The following NDUFAF2 variants were observed in gnomAD, a reference collection of about 807,000 sequenced individuals.
NDUFAF2 encodes NADH:ubiquinone oxidoreductase complex assembly factor 2.
A neutral mutation model predicts 22.8 loss-of-function variants in NDUFAF2; 13 were observed. The ratio of observed to expected loss-of-function variants is 0.57; its 90% CI spans 0.37 to 0.91. The LOEUF is 0.91. Ranked by LOEUF, NDUFAF2 falls within the 40% of genes least tolerant of loss-of-function variation. NDUFAF2 has a pLI of 0.01. For synonymous variants in NDUFAF2, 53 were observed against 64.2 expected (o/e 0.83, Z 0.84); for missense variants, 162 against 195.2 (o/e 0.83, Z 1.01).
chr5:61,034,946 CA>C (rs1751778700), intron 1 of NDUFAF2, among the ~76,000 whole-genome samples: 1 of 116,470 alleles, frequency 8.6e-6, no homozygotes, highest in Non-Finnish European at 1.9e-5. Context: ...GTGTGTGTAA[CA>C]AATATGTTCT....
chr5:61,052,377 C>T (rs1410004817), intron 1 of NDUFAF2, among the ~76,000 whole-genome samples: 1 of 152,170 alleles, frequency 6.6e-6, no homozygotes, highest in Non-Finnish European at 1.5e-5. Flanking sequence ...GTGGTGCGTT[C>T]TCTGCTTACT....
At chr5:60,986,999 G>T (rs1267644283) in intron 1 of NDUFAF2, among the ~76,000 whole-genome samples, 3 of 149,766 alleles carry the variant, frequency 2.0e-5, no homozygotes, top group Non-Finnish European at 3.0e-5. Context: ...CCAGGAGATA[G>T]TTTTTTTGAA....
intron 3 of NDUFAF2, among the ~76,000 whole-genome samples, chr5:61,145,017 A>G (rs147920836): frequency 7.5e-4 from 115 of 152,368 alleles, no homozygotes; most frequent in African/African-American, 2.5e-3. Flanking sequence ...TGATTGGAGC[A>G]GAATAACTAC....
intron 3 of NDUFAF2, among the ~76,000 whole-genome samples, chr5:61,121,940 C>T (rs1365303413): frequency 4.6e-5 from 7 of 151,840 alleles, no homozygotes; most frequent in African/African-American, 1.7e-4. Context: ...AAGCAATTCC[C>T]GTGCCTCAGC....
At chr5:61,002,941 A>G (rs1450092079) in intron 1 of NDUFAF2, among the ~76,000 whole-genome samples, 1 of 152,144 alleles carries the variant, frequency 6.6e-6, no homozygotes, top group Non-Finnish European at 1.5e-5. Flanking sequence ...TTGAGATTTA[A>G]CAAGAGAGGA....
intron 3 of NDUFAF2, among the ~76,000 whole-genome samples, chr5:61,141,653 C>T (rs780041232): frequency 6.5e-5 from 9 of 137,468 alleles, no homozygotes; most frequent in Non-Finnish European, 1.4e-4. Flanking sequence ...TGTAGGTGCT[C>T]AGTATATATT....
At chr5:61,075,941 T>G (rs1490949247) in intron 2 of NDUFAF2, among the ~76,000 whole-genome samples, 1 of 152,198 alleles carries the variant, frequency 6.6e-6, no homozygotes, top group Non-Finnish European at 1.5e-5. Context: ...ACCTCTACAT[T>G]CATAGAGCTT....
chr5:61,084,540 A>G (rs1417452257), intron 2 of NDUFAF2, among the ~76,000 whole-genome samples: 1 of 152,128 alleles, frequency 6.6e-6, no homozygotes, highest in Non-Finnish European at 1.5e-5. Flanking sequence ...TGACTACTCT[A>G]AGTACGTCAT....
At chr5:60,970,827 T>A (rs535904091) in intron 1 of NDUFAF2, among the ~76,000 whole-genome samples, 1 of 152,310 alleles carries the variant, frequency 6.6e-6, no homozygotes, top group African/African-American at 2.4e-5. Context: ...AGATGTAAAG[T>A]TCAATATGTA....
At chr5:61,061,588 G>A (rs527989577) in intron 1 of NDUFAF2, among the ~76,000 whole-genome samples, 1 of 152,164 alleles carries the variant, frequency 6.6e-6, no homozygotes, top group African/African-American at 2.4e-5. Context: ...ATGATAGAGT[G>A]TGCCTCAGAG....
intron 1 of NDUFAF2, among the ~76,000 whole-genome samples, chr5:60,960,457 G>A (rs967459818): frequency 4.6e-5 from 7 of 152,144 alleles, no homozygotes; most frequent in Admixed American, 6.5e-5. Context: ...CTGCATCAGT[G>A]TAAATCACAT....
At chr5:61,108,285 C>T (rs986300853) in intron 3 of NDUFAF2, among the ~76,000 whole-genome samples, 3 of 148,880 alleles carry the variant, frequency 2.0e-5, no homozygotes, top group Admixed American at 6.7e-5. Context: ...CACTGACTTC[C>T]ACAATGGTTG....
intron 2 of NDUFAF2, among the ~76,000 whole-genome samples, chr5:61,074,717 G>A (rs770101555): frequency 1.1e-4 from 17 of 152,158 alleles, no homozygotes; most frequent in Non-Finnish European, 2.2e-4. Context: ...CTGAGATTGC[G>A]CCATTGCACT....
chr5:61,002,434 A>C (rs1043396593), intron 1 of NDUFAF2, among the ~76,000 whole-genome samples: 1 of 152,156 alleles, frequency 6.6e-6, no homozygotes, highest in African/African-American at 2.4e-5. Context: ...AATAGACTAC[A>C]TGTAATTCAA....
At chr5:61,114,083 A>T (rs1335002521) in intron 3 of NDUFAF2, among the ~76,000 whole-genome samples, 1 of 151,848 alleles carries the variant, frequency 6.6e-6, no homozygotes, top group African/African-American at 2.4e-5. Context: ...TGGGCTTGGG[A>T]AGTTCCTTGT....
intron 2 of NDUFAF2, among the ~76,000 whole-genome samples, chr5:61,077,411 C>T (rs1752383100): frequency 6.6e-6 from 1 of 152,108 alleles, no homozygotes; most frequent in Admixed American, 6.6e-5. Context: ...TGAAAATTAA[C>T]TCTGCTTTAA....
intron 1 of NDUFAF2, among the ~76,000 whole-genome samples, chr5:60,979,384 C>T (rs949781100): frequency 4.6e-5 from 7 of 152,114 alleles, no homozygotes; most frequent in African/African-American, 1.7e-4. Flanking sequence ...GGCCCTGGCT[C>T]CTGGGTGGCA....
chr5:61,129,953 G>T (rs1004735385), intron 3 of NDUFAF2, among the ~76,000 whole-genome samples: 37 of 151,942 alleles, frequency 2.4e-4, no homozygotes, highest in African/African-American at 8.9e-4. Flanking sequence ...TTCCAGATAA[G>T]AGCTGTTCTA....
chr5:61,059,834 A>T (rs1752142519), intron 1 of NDUFAF2, among the ~76,000 whole-genome samples: 2 of 152,126 alleles, frequency 1.3e-5, no homozygotes, highest in Non-Finnish European at 2.9e-5. Context: ...AAGTATATGT[A>T]GGACATGTCA....
Sources: gnomAD v4.1 joint callset for allele counts (sites outside exome capture counted in the v4.1 genomes callset) on GRCh38, gnomAD v4.1.1 for gene constraint, MANE v1.5 for transcripts, NCBI Gene and HGNC (gene_info 2026-07-23, HGNC 2026-07-21) for gene names.